The following TNIK variants were observed in gnomAD, a reference collection of about 807,000 sequenced individuals.
TNIK encodes TRAF2 and NCK interacting kinase.
TNIK carries 49 observed loss-of-function variants against 191.3 expected under a neutral mutation model. The ratio of observed to expected loss-of-function variants is 0.26; its 90% CI spans 0.20 to 0.32. TNIK has a LOEUF of 0.32. Among genes scored for constraint, TNIK ranks in the 10% least tolerant of loss-of-function variants. The pLI, the probability that TNIK is intolerant of heterozygous loss-of-function variation, is 1.00. For synonymous variants in TNIK, 594 were observed against 600.9 expected (o/e 0.99, Z 0.17); for missense variants, 1,155 against 1,702.3 (o/e 0.68, Z 5.66).
intron 2 of TNIK, among the ~76,000 whole-genome samples, chr3:171,285,975 C>T (rs1251968144): frequency 8.6e-6 from 1 of 116,290 alleles, no homozygotes; most frequent in Non-Finnish European, 1.9e-5. Flanking sequence ...GCCTGCTCAT[C>T]CTGAAGGATC....
chr3:171,248,963 C>A (rs1249930064), intron 2 of TNIK, among the ~76,000 whole-genome samples: 1 of 152,152 alleles, frequency 6.6e-6, no homozygotes, highest in African/African-American at 2.4e-5. Flanking sequence ...ATTTTGCTTT[C>A]AGACTAGGAC....
At chr3:171,097,719 C>G (rs939705585) in intron 22 of TNIK, among the ~76,000 whole-genome samples, 20 of 151,552 alleles carry the variant, frequency 1.3e-4, no homozygotes, top group Admixed American at 6.6e-5. Flanking sequence ...TCCATTAAAC[C>G]TCTTTTTCTT....
chr3:171,404,354 A>G (rs1485065872), intron 1 of TNIK, among the ~76,000 whole-genome samples: 2 of 119,482 alleles, frequency 1.7e-5, no homozygotes, highest in East Asian at 3.9e-4. Flanking sequence ...ACTGTGAGGA[A>G]TAAGTAAAAA....
At position 171,371,766 on chromosome 3, in the gene TNIK, T is replaced by C. The variant is rs796771475; in HGVS notation, c.58-2081A>G. Among the ~76,000 whole-genome samples, 3 of 151,512 alleles carry C rather than the reference T, an allele frequency of 2.0e-5. No individual in the cohort carries two copies. The South Asian group carries it at 6.2e-4, about 32-fold the overall frequency. ...TATTACAAATGGAATTAGAAAGAAA[T>C]GAGGAAAAGAAAAAAAAAGCCCATA... On this transcript the variant is annotated intron_variant, in intron 1 of 32. Coordinates refer to ENST00000436636, the MANE Select transcript of TNIK (RefSeq NM_015028.4).
chr3:171,303,872 AGGACCTATATTATGACT>A (rs1753138896), intron 2 of TNIK, among the ~76,000 whole-genome samples: 1 of 152,206 alleles, frequency 6.6e-6, no homozygotes, highest in South Asian at 2.1e-4. Context: ...AGGCAACACC[AGGACCTATATTATGACT>A]GTGAGTCAGG....
At chr3:171,414,436 A>T (rs1006046539) in intron 1 of TNIK, among the ~76,000 whole-genome samples, 7 of 152,206 alleles carry the variant, frequency 4.6e-5, no homozygotes, top group African/African-American at 7.2e-5. Flanking sequence ...TGTTTAGCAA[A>T]ACTATAACAA....
rs188445556 is a variant in TNIK, at chr3:171,108,001, A to G, written c.2382+64T>C. On this transcript the variant is annotated intron_variant, in intron 20 of 32. Transcript: ENST00000436636. ...TTGCATCATGAGTGTATCCCCAACT[A>G]CTTAATCCTGTGGGTTCTCTGGTAA... 28 of 1,511,360 alleles carry G rather than the reference A, an allele frequency of 1.9e-5. 1 individual carries two copies. In the East Asian group the frequency reaches 3.9e-4, roughly 21 times the overall value. 93.6% of individuals were successfully genotyped at this position (1,511,360 alleles called of 1,614,324 possible).
intron 1 of TNIK, among the ~76,000 whole-genome samples, chr3:171,442,397 C>T (rs142691971): frequency 9.4e-4 from 143 of 152,252 alleles, no homozygotes; most frequent in Non-Finnish European, 1.8e-3. Flanking sequence ...TGCAAACATA[C>T]ACACTAATTA....
At chr3:171,425,862 T>C (rs1382397906) in intron 1 of TNIK, among the ~76,000 whole-genome samples, 1 of 150,454 alleles carries the variant, frequency 6.6e-6, no homozygotes, top group Non-Finnish European at 1.5e-5. Flanking sequence ...GACAGCACCA[T>C]GCATGTAAAA....
At chr3:171,296,657 G>A (rs1752316730) in intron 2 of TNIK, among the ~76,000 whole-genome samples, 1 of 152,098 alleles carries the variant, frequency 6.6e-6, no homozygotes, top group South Asian at 2.1e-4. Flanking sequence ...AAAATAAAAG[G>A]GGTGGTGGTA....
chr3:171,214,992 C>T (rs1237657599), intron 3 of TNIK, among the ~76,000 whole-genome samples: 1 of 152,128 alleles, frequency 6.6e-6, no homozygotes. Context: ...CCACCTGCAT[C>T]AAGAGGTGGA....
intron 7 of TNIK, among the ~76,000 whole-genome samples, chr3:171,177,759 G>A (rs952518743): frequency 2.6e-5 from 4 of 152,144 alleles, no homozygotes; most frequent in African/African-American, 2.4e-5. Flanking sequence ...AAGGTATGAC[G>A]TAGGGATCCT....
At chr3:171,104,263 A>AAAGTT (rs1417478299) in intron 21 of TNIK, among the ~76,000 whole-genome samples, 16 of 152,122 alleles carry the variant, frequency 1.1e-4, no homozygotes, top group African/African-American at 3.9e-4. Flanking sequence ...TTATAATAGC[A>AAAGTT]AAGTTATAGG....
chr3:171,116,802 C>T (rs1022979786), intron 18 of TNIK, among the ~76,000 whole-genome samples: 2 of 152,228 alleles, frequency 1.3e-5, no homozygotes, highest in African/African-American at 4.8e-5. Context: ...ATGAAAGTAC[C>T]TGATTTTTAA....
chr3:171,126,080 G>C lies in TNIK; in HGVS notation c.1845C>G (p.Pro615=). The C allele has an allele frequency of 6.2e-7, 1 of 1,611,734 alleles. No individual in the cohort carries two copies. The highest frequency in any genetic ancestry group is 8.5e-7 in the Non-Finnish European group (1 of 1,178,626). ...LTASQSVHEQ[P]TKGLSGFQEA... ...CCTGAAACCCAGAGAGGCCCTTTGTGGGCTGCTCGTGCACTGACTGGGAGG... is the reference window on the plus strand; with the variant it reads ...CCTGAAACCCAGAGAGGCCCTTTGTCGGCTGCTCGTGCACTGACTGGGAGG... Residue 615 remains proline (P), a synonymous_variant, in exon 17 of 33, where the codon CCC becomes CCG. Transcript: ENST00000436636.
intron 1 of TNIK, among the ~76,000 whole-genome samples, chr3:171,428,312 G>A (rs1724906264): frequency 6.6e-6 from 1 of 152,150 alleles, no homozygotes; most frequent in Admixed American, 6.5e-5. Flanking sequence ...TTTTCTGATG[G>A]ATCTAATGAT....
intron 2 of TNIK, among the ~76,000 whole-genome samples, chr3:171,256,314 AC>A (rs1746864891): frequency 6.6e-6 from 1 of 152,232 alleles, no homozygotes; most frequent in Non-Finnish European, 1.5e-5. Context: ...CTAGAGAAAT[AC>A]CAGCTGAAAT....
In TNIK at chr3:171,157,679, G is replaced by T. The variant is rs912686584; in HGVS notation, c.1017-15C>A. ...TCAGGATGGAGCTGTGGGTAGGAGA[G>T]AGTGATCAGGATCCCACGTGGGGCA... is the stretch of plus-strand genomic sequence containing the variant. On this transcript the variant is annotated splice_polypyrimidine_tract_variant and intron_variant, in intron 11 of 32. Transcript: ENST00000436636. 4.5e-6 allele frequency: 7 copies of T among 1,552,336 alleles called. No individual in the cohort carries two copies. In the South Asian group the frequency reaches 5.9e-5, roughly 13 times the overall value.
At chr3:171,101,215 TG>T (rs1185528904) in intron 22 of TNIK, among the ~76,000 whole-genome samples, 1 of 152,226 alleles carries the variant, frequency 6.6e-6, no homozygotes, top group East Asian at 1.9e-4. Flanking sequence ...GTCAATCCAT[TG>T]GCAATGGATA....
Sources: allele counts gnomAD v4.1 joint callset (sites outside exome capture counted in the v4.1 genomes callset), GRCh38; gene constraint gnomAD v4.1.1; transcripts MANE v1.5; gene names NCBI Gene and HGNC (gene_info 2026-07-23, HGNC 2026-07-21).